FAM168A: variants seen among roughly 807,000 people sequenced by gnomAD.
FAM168A encodes family with sequence similarity 168 member A.
Under a neutral mutation model 28.5 loss-of-function variants are expected in FAM168A, and 3 were observed. The observed-to-expected ratio is 0.11, with a 90% CI of 0.05 to 0.27. FAM168A has a LOEUF of 0.27. Among genes scored for constraint, FAM168A ranks in the 10% least tolerant of loss-of-function variants. The probability of loss-of-function intolerance (pLI) is 1.00; values close to 1 mark genes in which losing one functional copy is unlikely to be tolerated. For synonymous variants in FAM168A, 122 were observed against 124.2 expected (o/e 0.98, Z 0.12); for missense variants, 222 against 311.5 (o/e 0.71, Z 2.16).
chr11:73,592,281 G>T (rs116101440), intron 1 of FAM168A, among the ~76,000 whole-genome samples: 243 of 152,278 alleles, frequency 1.6e-3, no homozygotes, highest in African/African-American at 5.7e-3. Context: ...TATAAACTGA[G>T]GTTTTCTCAG....
At chr11:73,415,406 G>A (rs1286181158) in intron 4 of FAM168A, among the ~76,000 whole-genome samples, 1 of 152,196 alleles carries the variant, frequency 6.6e-6, no homozygotes, top group African/African-American at 2.4e-5. Flanking sequence ...TGGTTCTCAA[G>A]GTTACCATTT....
At chr11:73,512,129 AC>A (rs1292435372) in intron 1 of FAM168A, among the ~76,000 whole-genome samples, 1 of 152,202 alleles carries the variant, frequency 6.6e-6, no homozygotes, top group African/African-American at 2.4e-5. Flanking sequence ...TATGCTAGGT[AC>A]TATATAAGGA....
intron 1 of FAM168A, among the ~76,000 whole-genome samples, chr11:73,536,691 A>AAATAAT (rs933844499): frequency 6.6e-6 from 1 of 152,058 alleles, no homozygotes; most frequent in African/African-American, 2.4e-5. Context: ...CCGTCTCAAA[A>AAATAAT]AATAATAATA....
At chr11:73,467,015 C>A (rs1001354600) in intron 2 of FAM168A, among the ~76,000 whole-genome samples, 1 of 151,982 alleles carries the variant, frequency 6.6e-6, no homozygotes, top group Admixed American at 6.6e-5. Context: ...TACAGAGATT[C>A]AACAGCCAAG....
intron 1 of FAM168A, among the ~76,000 whole-genome samples, chr11:73,522,755 G>A (rs1424715690): frequency 6.6e-6 from 1 of 151,256 alleles, no homozygotes; most frequent in African/African-American, 2.4e-5. Context: ...GCTCACGCCT[G>A]TAATCCCAGC....
rs990111956 is a variant in FAM168A, at chr11:73,404,641, TC to T, written c.*2121del. ...GATAATTTAGAACAGCTGAATTTTT[TC>T]TTACTGGTCCTAAAGTTCCTTGGAA... On this transcript the variant is annotated 3_prime_UTR_variant, in exon 8 of 8. Transcript: ENST00000356467. The T allele has an allele frequency of 1.3e-5, 2 of 152,342 alleles. No homozygotes were observed. The highest frequency in any genetic ancestry group is 1.3e-4 in the Admixed American group (2 of 15,310). The allele number at this position is 152,342 out of a possible 1,614,324, so 9.4% of individuals were successfully genotyped here.
intron 2 of FAM168A, among the ~76,000 whole-genome samples, chr11:73,447,228 T>C (rs1867333352): frequency 6.6e-6 from 1 of 152,158 alleles, no homozygotes; most frequent in Admixed American, 6.6e-5. Context: ...GTTTTTCTTA[T>C]ATTCCTTATC....
intron 1 of FAM168A, among the ~76,000 whole-genome samples, chr11:73,585,367 C>G (rs537051139): frequency 2.8e-4 from 43 of 152,248 alleles, no homozygotes; most frequent in African/African-American, 1.0e-3. Context: ...ACTACACTTC[C>G]CTTTTAAAGG....
intron 1 of FAM168A, among the ~76,000 whole-genome samples, chr11:73,513,205 ATTTTTTTTTTT>A (rs1046600591): frequency 9.1e-5 from 10 of 109,378 alleles, no homozygotes; most frequent in Non-Finnish European, 1.3e-4. Context: ...TTTTTTTTTA[ATTTTTTTTTTT>A]TTTTTTTTTT....
At chr11:73,475,447 C>A (rs1389630977) in intron 1 of FAM168A, among the ~76,000 whole-genome samples, 1 of 151,960 alleles carries the variant, frequency 6.6e-6, no homozygotes, top group African/African-American at 2.4e-5. Context: ...AGGTTTAATG[C>A]CTTCTGGGAT....
intron 1 of FAM168A, among the ~76,000 whole-genome samples, chr11:73,577,970 A>C (rs1201281034): frequency 6.6e-6 from 1 of 152,208 alleles, no homozygotes; most frequent in Non-Finnish European, 1.5e-5. Flanking sequence ...GTGGAAGAGA[A>C]CAGGAGCTCT....
chr11:73,588,371 G>C (rs769927157), intron 1 of FAM168A, among the ~76,000 whole-genome samples: 1 of 152,096 alleles, frequency 6.6e-6, no homozygotes, highest in African/African-American at 2.4e-5. Context: ...AACAAATGTG[G>C]GTTCTTAAAC....
chr11:73,460,037 T>C lies in FAM168A; in HGVS notation c.70+8368A>G, dbSNP rs554685899. 3.3e-5 allele frequency among the ~76,000 whole-genome samples: 5 copies of C among 152,088 alleles called. No homozygotes were observed. In the South Asian group the frequency reaches 8.3e-4, roughly 25 times the overall value. On this transcript the variant is annotated intron_variant, in intron 2 of 7. Coordinates refer to ENST00000356467, the MANE Select transcript of FAM168A (RefSeq NM_015159.3). Reference sequence around the variant, plus strand: ...CTGGGAGTACAGGCGCCCACCACCATGCCTGGCTAATTTTTTGTATTTTTA... The same window carrying C: ...CTGGGAGTACAGGCGCCCACCACCACGCCTGGCTAATTTTTTGTATTTTTA...
Position 73,411,503 on chromosome 11 carries a change from G to A in FAM168A, c.311C>T (p.Pro104Leu), listed in dbSNP as rs200934649. The A allele has an allele frequency of 1.1e-5, 18 of 1,613,960 alleles. No homozygotes were observed. Among genetic ancestry groups the A allele is most frequent in the East Asian group, 2.2e-5 (1 of 44,882 alleles). The change falls in exon 5 of 8, where the codon CCG becomes CTG. Residue 104 changes from proline (P) to leucine (L), a missense_variant. Physicochemically the swap from Pro to Leu is moderately conservative, Grantham distance 98. This residue lies in a region of FAM168A where 153 missense variants were observed against 189.2 expected (regional missense o/e 0.81). Coordinates refer to ENST00000356467, the MANE Select transcript of FAM168A (RefSeq NM_015159.3). ...GGGTGGAGCAGTGTTACTCTGGGTC[G>A]GTGGGACCTTGTATGGTGTCCCCGC... Reference protein sequence around the residue: ...YTAGTPYKVPPTQSNTAPPPY... With the variant: ...YTAGTPYKVPLTQSNTAPPPY...
chr11:73,457,193 G>A (rs1867547875), intron 2 of FAM168A, among the ~76,000 whole-genome samples: 1 of 151,874 alleles, frequency 6.6e-6, no homozygotes, highest in Non-Finnish European at 1.5e-5. Context: ...TTTGAGATCA[G>A]CCTAGGTAAC....
intron 1 of FAM168A, among the ~76,000 whole-genome samples, chr11:73,494,276 A>G (rs1854824195): frequency 6.6e-6 from 1 of 152,210 alleles, no homozygotes; most frequent in Non-Finnish European, 1.5e-5. Context: ...AAAGTCACAG[A>G]GCAGGTCACA....
At chr11:73,486,532 C>A (rs913580186) in intron 1 of FAM168A, among the ~76,000 whole-genome samples, 2 of 152,160 alleles carry the variant, frequency 1.3e-5, no homozygotes, top group Non-Finnish European at 2.9e-5. Context: ...CATGAAAATG[C>A]TGGTTTTCAA....
Position 73,405,394 on chromosome 11 carries a change from C to CT in FAM168A, c.*1368dup, listed in dbSNP as rs1422857345. 6.6e-6 allele frequency: 1 copy of CT among 151,586 alleles called. No homozygotes were observed. The highest frequency in any genetic ancestry group is 1.9e-4 in the East Asian group (1 of 5,198). 9.4% of individuals were successfully genotyped at this position (151,586 alleles called of 1,614,324 possible). On this transcript the variant is annotated 3_prime_UTR_variant, in exon 8 of 8. Coordinates refer to ENST00000356467, the MANE Select transcript of FAM168A (RefSeq NM_015159.3). Reference sequence around the variant, plus strand: ...ATTCCAGACTCACCAGGTATGGGCGCTGCCGACTTAATTTTTACAAAACCA... The same window carrying CT: ...ATTCCAGACTCACCAGGTATGGGCGCTTGCCGACTTAATTTTTACAAAACCA...
Position 73,566,678 on chromosome 11 carries a change from C to T in FAM168A, c.-19+31245G>A, listed in dbSNP as rs541455259. ...AAAACACAAGATTTGGATTCAAGTC[C>T]CAGTCTGTCATACACTCTACTCATT... On this transcript the variant is annotated intron_variant, in intron 1 of 7. Transcript: ENST00000356467. 2.6e-5 allele frequency among the ~76,000 whole-genome samples: 4 copies of T among 152,228 alleles called. No homozygotes were observed. In the South Asian group the frequency reaches 8.3e-4, roughly 32 times the overall value.
Sources: allele counts gnomAD v4.1 joint callset (sites outside exome capture counted in the v4.1 genomes callset), GRCh38; gene constraint gnomAD v4.1.1; regional missense constraint gnomAD v4.1.1; transcripts MANE v1.5; gene names NCBI Gene and HGNC (gene_info 2026-07-23, HGNC 2026-07-21).